MGAM2: variants seen among roughly 807,000 people sequenced by gnomAD.
The protein encoded by MGAM2 is maltase-glucoamylase 2 (putative).
In MGAM2, 98 loss-of-function variants were observed where a neutral mutation model predicts 96.1. The observed-to-expected ratio is 1.02, with a 90% confidence interval of 0.87 to 1.21. The LOEUF is 1.21. Among genes scored for constraint, MGAM2 ranks in the 50% most tolerant of loss-of-function variants. The probability of loss-of-function intolerance (pLI) is 0.00; values close to 1 mark genes in which losing one functional copy is unlikely to be tolerated. For synonymous variants in MGAM2, 749 were observed against 414.8 expected (o/e 1.81, Z -9.79); for missense variants, 2,055 against 1,182.4 (o/e 1.74, Z -10.82).
At chr7:142,145,756 G>C in intron 14 of MGAM2, among the ~76,000 whole-genome samples, 1 of 151,140 alleles carries the variant, frequency 6.6e-6, no homozygotes, top group East Asian at 2.0e-4. Flanking sequence ...GGGTGAGGGA[G>C]AGAGAGGGTG....
In MGAM2 at chr7:142,148,878, T is replaced by G. The variant is rs1440172165; in HGVS notation, c.1634+1305T>G. Among the ~76,000 whole-genome samples, 3 of 152,114 alleles carry G rather than the reference T, an allele frequency of 2.0e-5. No homozygotes were observed. The highest frequency in any genetic ancestry group is 4.4e-5 in the Non-Finnish European group (3 of 68,012). ...TTTCTTACTTGACTTCTCTTTCTCC[T>G]TGGTACTCAAGGCCATAACCACTCC... On this transcript the variant is annotated intron_variant, in intron 15 of 47. Transcript: ENST00000477922. The surrounding 1 kb of genome is among the most constrained non-coding windows in gnomAD (Gnocchi z 4.2).
chr7:142,138,323 A>T (rs1036229089), intron 9 of MGAM2, among the ~76,000 whole-genome samples: 20 of 151,566 alleles, frequency 1.3e-4, no homozygotes, highest in African/African-American at 4.6e-4. Context: ...CCCTAAGATG[A>T]CACCATTACT....
chr7:142,126,652 T>C (rs1016134712), intron 3 of MGAM2, among the ~76,000 whole-genome samples: 1 of 152,164 alleles, frequency 6.6e-6, no homozygotes, highest in Non-Finnish European at 1.5e-5. Flanking sequence ...ATATTTGTTA[T>C]GAATAAGTTT....
chr7:142,222,093 A>G lies in MGAM2; in HGVS notation c.*34A>G, dbSNP rs184236474. 2.5e-6 allele frequency: 1 copy of G among 397,998 alleles called. No homozygotes were observed. The highest frequency in any genetic ancestry group is 3.6e-5 in the East Asian group (1 of 28,040). The allele number at this position is 397,998 out of a possible 1,614,324, so 24.7% of individuals were successfully genotyped here. On this transcript the variant is annotated 3_prime_UTR_variant, in exon 48 of 48. Transcript: ENST00000477922. Reference sequence around the variant, plus strand: ...CAAGGCAGGATAGTTACCTCAGATAACGCCTACAAACAACTATTACAGATA... The same window carrying G: ...CAAGGCAGGATAGTTACCTCAGATAGCGCCTACAAACAACTATTACAGATA...
intron 12 of MGAM2, among the ~76,000 whole-genome samples, chr7:142,142,710 T>G (rs1795269908): frequency 6.6e-6 from 1 of 151,840 alleles, no homozygotes; most frequent in Non-Finnish European, 1.5e-5. Flanking sequence ...CCACCATGCC[T>G]GGCTGATTTT....
rs1180658772 is a variant in MGAM2, at chr7:142,136,680, T to G, written c.847+40T>G. ...TTTATCTTCTGTAGGTAGGAATACGTTTTAGGATTCTGCTTTTATAAAAAA... is the reference window on the plus strand; with the variant it reads ...TTTATCTTCTGTAGGTAGGAATACGGTTTAGGATTCTGCTTTTATAAAAAA... On this transcript the variant is annotated intron_variant, in intron 8 of 47. Transcript: ENST00000477922. 9.1e-6 allele frequency: 6 copies of G among 657,190 alleles called. No individual in the cohort carries two copies. The East Asian group carries it at 1.6e-4, about 18-fold the overall frequency. 40.7% of individuals were successfully genotyped at this position (657,190 alleles called of 1,614,324 possible).
intron 43 of MGAM2, 128 bp from the exon 44 acceptor site, chr7:142,198,487 C>G (rs1293436567): frequency 3.4e-6 from 2 of 595,558 alleles, no homozygotes; most frequent in Non-Finnish European, 6.0e-6. Context: ...GAGATTTTCT[C>G]TTTAGGTTTG....
At chr7:142,130,498 T>G (rs962348630) in intron 3 of MGAM2, among the ~76,000 whole-genome samples, 2 of 152,262 alleles carry the variant, frequency 1.3e-5, no homozygotes, top group Non-Finnish European at 2.9e-5. Flanking sequence ...CCAGGAATAC[T>G]GTTCCTCTGT....
At chr7:142,215,529 G>C (rs974071596) in intron 46 of MGAM2, among the ~76,000 whole-genome samples, 2 of 152,016 alleles carry the variant, frequency 1.3e-5, no homozygotes, top group Admixed American at 1.3e-4. Context: ...GGGAAGCCAA[G>C]GCAGGTGGAT....
rs979921654 is a variant in MGAM2 at position 142,209,775 on chromosome 7, G to A, written c.5187+1153G>A. Among the ~76,000 whole-genome samples the A allele has an allele frequency of 2.0e-5, 3 of 152,098 alleles. No homozygotes were observed. In the East Asian group the frequency reaches 5.8e-4, roughly 29 times the overall value. ...AGATTTCTTTTAAAACATCAGAACC[G>A]AGAGCATATTTTAGAGCTGTCTATC... On this transcript the variant is annotated intron_variant, in intron 46 of 47. Transcript: ENST00000477922.
chr7:142,174,999 G>A (rs898393380), intron 31 of MGAM2, among the ~76,000 whole-genome samples: 7 of 152,096 alleles, frequency 4.6e-5, no homozygotes, highest in Admixed American at 4.6e-4. Context: ...GATTACAGGC[G>A]TGAGCCACCG....
intron 3 of MGAM2, 104 bp from the exon 4 acceptor site, chr7:142,130,844 C>A: frequency 4.9e-6 from 3 of 608,296 alleles, no homozygotes; most frequent in South Asian, 2.0e-5. Context: ...TAATTATAAC[C>A]TATCTTAAAT....
chr7:142,165,193 C>G (rs1795995634), intron 24 of MGAM2, among the ~76,000 whole-genome samples, 170 bp downstream of exon 24: 1 of 152,182 alleles, frequency 6.6e-6, no homozygotes, highest in Non-Finnish European at 1.5e-5. Flanking sequence ...AGAAAGACCT[C>G]TCTGCTTTGT....
chr7:142,195,345 C>CTTTTTTTT (rs1013124747), intron 37 of MGAM2, among the ~76,000 whole-genome samples: 2 of 70,008 alleles, frequency 2.9e-5, no homozygotes, highest in Non-Finnish European at 5.3e-5. Context: ...CCTTTTTACT[C>CTTTTTTTT]TTTTTTTTTT....
Position 142,143,750 on chromosome 7 carries a change from G to A in MGAM2, c.1318-19G>A. ...ACCTTCAACCAAGCTGATTGCCACT[G>A]CCTTCCTCTGTGTCCTAGGGATATC... On this transcript the variant is annotated intron_variant, in intron 12 of 47. Coordinates refer to ENST00000477922, the MANE Select transcript of MGAM2 (RefSeq NM_001293626.2). 2 of 588,138 alleles carry A rather than the reference G, an allele frequency of 3.4e-6. No individual in the cohort carries two copies. Among genetic ancestry groups the A allele is most frequent in the South Asian group, 2.2e-5 (1 of 45,926 alleles). The allele number at this position is 588,138 out of a possible 1,614,324, so 36.4% of individuals were successfully genotyped here. A position where few individuals can be genotyped will look rare whatever the true frequency, so the allele number is the denominator to read the frequency against.
intron 44 of MGAM2, 94 bp downstream of exon 44, chr7:142,198,833 A>T (rs1797135110): frequency 3.3e-6 from 2 of 611,568 alleles, no homozygotes; most frequent in Non-Finnish European, 2.9e-6. Flanking sequence ...GGATATGTGG[A>T]TTATAAACTA....
chr7:142,168,419 G>A (rs549822979), intron 26 of MGAM2, among the ~76,000 whole-genome samples: 75 of 152,122 alleles, frequency 4.9e-4, no homozygotes, highest in South Asian at 4.4e-3. Context: ...ACAGGCACCC[G>A]CCTCCACGCC....
At chr7:142,141,214 A>G in intron 12 of MGAM2, 95 bp downstream of exon 12, 1 of 637,678 alleles carries the variant, frequency 1.6e-6, no homozygotes. Flanking sequence ...CAATATTGTT[A>G]CTGTTTTCAT....
chr7:142,137,469 G>A lies in MGAM2; in HGVS notation c.884G>A (p.Arg295His), dbSNP rs763000303. ...CAGCCAGCTCCTGCGATCACTTATC[G>A]CACGATTGGAGGCATTCTTGACTTT... ...TLQPAPAITY[R>H]TIGGILDFYV... is the part of the protein sequence containing the mutation. The change falls in exon 9 of 48, where the codon CGC becomes CAC. Residue 295 changes from arginine (R) to histidine (H), a missense_variant. Transcript: ENST00000477922. 8 of 701,466 alleles carry A rather than the reference G, an allele frequency of 1.1e-5. No homozygotes were observed. The highest frequency in any genetic ancestry group is 1.8e-5 in the Non-Finnish European group (7 of 384,222). 43.5% of individuals were successfully genotyped at this position (701,466 alleles called of 1,614,324 possible).
Sources: gnomAD v4.1 joint callset for allele counts (sites outside exome capture counted in the v4.1 genomes callset) on GRCh38, gnomAD v4.1.1 for gene constraint, Gnocchi (gnomAD v3.1) non-coding constraint, MANE v1.5 for transcripts, NCBI Gene and HGNC (gene_info 2026-07-23, HGNC 2026-07-21) for gene names.